TNFRSF9: variants seen among roughly 807,000 people sequenced by gnomAD.
The protein encoded by TNFRSF9 is TNF receptor superfamily member 9.
TNFRSF9 carries 16 observed loss-of-function variants against 28.8 expected under a neutral mutation model. The ratio of observed to expected loss-of-function variants is 0.55; its 90% confidence interval spans 0.38 to 0.84. The LOEUF is 0.84. Among genes scored for constraint, TNFRSF9 ranks in the 40% least tolerant of loss-of-function variants. The pLI is 0.00. For synonymous variants in TNFRSF9, 131 were observed against 117.0 expected, an observed-to-expected ratio of 1.12 and a Z score of -0.77; for missense variants, 303 against 315.0, an observed-to-expected ratio of 0.96 and a Z score of 0.29.
In TNFRSF9 at chr1:7,939,897, G is replaced by C; in HGVS notation, c.98C>G (p.Ala33Gly). The C allele has an allele frequency of 6.3e-7, 1 of 1,593,636 alleles. No homozygotes were observed. The highest frequency in any genetic ancestry group is 2.3e-5 in the East Asian group (1 of 44,284). ...GCACATGATAACTGGGTACTCACCA[G>C]CTGGGCAGTTACTACAAGGATCCTG... ...SLQDPCSNCP[A>G]GTFCDNNRNQ... Residue 33 changes from alanine to glycine, a missense_variant and splice_region_variant, in exon 2 of 8, where the codon GCT becomes GGT. By Grantham distance (60) the Ala-to-Gly change is moderately conservative. Transcript: ENST00000377507.
At chr1:7,937,779 T>A in intron 4 of TNFRSF9, 23 bp from the exon 5 acceptor site, 1 of 1,592,320 alleles carries the variant, frequency 6.3e-7, no homozygotes, top group Non-Finnish European at 8.6e-7. Flanking sequence ...ATGAAAGCAA[T>A]AATAAAAGGG....
rs1003391663 is a variant in TNFRSF9 at position 7,917,975 on chromosome 1, T to TAG, written c.*2858_*2859dup. The TAG allele has an allele frequency of 7.1e-5, 10 of 141,536 alleles. No homozygotes were observed. The highest frequency in any genetic ancestry group is 3.0e-4 in the African/African-American group (10 of 33,682). The allele number at this position is 141,536 out of a possible 1,614,324, so 8.8% of individuals were successfully genotyped here. A position where few individuals can be genotyped will look rare whatever the true frequency, so the allele number is the denominator to read the frequency against. ...CAAAGGATATATATATATATATATA[T>TAG]AGATATAGATAGATAGATAGATAGA... On this transcript the variant is annotated 3_prime_UTR_variant, in exon 8 of 8. Transcript: ENST00000377507.
chr1:7,933,444 A>G (rs937762336), intron 6 of TNFRSF9, 148 bp from the exon 7 acceptor site: 35 of 989,884 alleles, frequency 3.5e-5, no homozygotes, highest in Non-Finnish European at 4.9e-5. Flanking sequence ...AACTTAGAAA[A>G]CTTTTAAAGA....
intron 7 of TNFRSF9, among the ~76,000 whole-genome samples, chr1:7,924,897 A>G: frequency 6.6e-6 from 1 of 152,352 alleles, no homozygotes; most frequent in East Asian, 1.9e-4. Context: ...AAAAACTTTT[A>G]AATAGATAAA....
Position 7,916,952 on chromosome 1 carries a change from CAG to C in TNFRSF9, c.*3881_*3882del, listed in dbSNP as rs1428108850. The C allele has an allele frequency of 6.6e-6, 1 of 152,032 alleles. No homozygotes were observed. The highest frequency in any genetic ancestry group is 6.6e-5 in the Admixed American group (1 of 15,262). The allele number at this position is 152,032 out of a possible 1,614,324, so 9.4% of individuals were successfully genotyped here. On this transcript the variant is annotated 3_prime_UTR_variant, in exon 8 of 8. Transcript: ENST00000377507. ...ATCTCTTTTCTTTTTTTTCCTGAGA[CAG>C]AGTTTCGCTCTGTCACCCAGGCTGG... is the stretch of plus-strand genomic sequence containing the variant.
chr1:7,938,664 G>T, intron 3 of TNFRSF9, 57 bp downstream of exon 3: 1 of 1,411,046 alleles, frequency 7.1e-7, no homozygotes, highest in Non-Finnish European at 9.8e-7. Flanking sequence ...AAATGGGAAA[G>T]AAAAGCTTAT....
chr1:7,940,249 G>A (rs555143076), intron 1 of TNFRSF9, among the ~76,000 whole-genome samples, 171 bp from the exon 2 acceptor site: 2 of 152,256 alleles, frequency 1.3e-5, no homozygotes, highest in African/African-American at 4.8e-5. Context: ...CTAGGACAAG[G>A]CAGGCGTGAT....
At position 7,920,775 on chromosome 1, in the gene TNFRSF9, A is replaced by T. The variant is rs1025063126; in HGVS notation, c.*60T>A. The T allele has an allele frequency of 1.3e-5, 17 of 1,304,572 alleles. No homozygotes were observed. In the African/African-American group the frequency reaches 2.5e-4, roughly 19 times the overall value. The allele number at this position is 1,304,572 out of a possible 1,614,324, so 80.8% of individuals were successfully genotyped here. On this transcript the variant is annotated 3_prime_UTR_variant, in exon 8 of 8. Transcript: ENST00000377507. ...TTGCTTTTGAAAGCTGTGATAGCGG[A>T]TGACTCATATTTCCTTGCTTCTTTT...
intron 6 of TNFRSF9, 122 bp downstream of exon 6, chr1:7,934,891 G>C (rs1639794408): frequency 4.6e-6 from 6 of 1,306,948 alleles, no homozygotes; most frequent in Non-Finnish European, 6.3e-6. Flanking sequence ...CTGAGGGCAG[G>C]ATTCAGGAAG....
rs567822293 is a variant in TNFRSF9 at position 7,931,694 on chromosome 1, G to A, written c.679+1468C>T. Among the ~76,000 whole-genome samples, 170 of 152,316 alleles carry A rather than the reference G, an allele frequency of 1.1e-3. 2 individuals carry two copies. Among genetic ancestry groups the A allele is most frequent in the African/African-American group, 3.7e-3 (154 of 41,574 alleles). ...GCCAAGGGCTTCGGGAATGAGTTAT[G>A]TTCCACTTCTTTACCCTGGTAGAGT... On this transcript the variant is annotated intron_variant, in intron 7 of 7. Coordinates refer to ENST00000377507, the MANE Select transcript of TNFRSF9 (RefSeq NM_001561.6).
intron 7 of TNFRSF9, among the ~76,000 whole-genome samples, chr1:7,921,269 G>C (rs1019765386): frequency 1.3e-5 from 2 of 151,802 alleles, no homozygotes; most frequent in African/African-American, 4.8e-5. Context: ...CCAGGAGACA[G>C]AGATTGCAGT....
Position 7,933,268 on chromosome 1 carries a change from AAAG to A in TNFRSF9, c.570_572del (p.Phe191del), listed in dbSNP as rs753979152. ...GCAACGCAGTCGACGTCAGCGCAAG[AAAG>A]AAGGAGATGATCTGCGGAGAGTGTC... is the stretch of plus-strand genomic sequence containing the variant. On this transcript the variant is annotated inframe_deletion, in exon 7 of 8. Transcript: ENST00000377507. 19 of 1,613,744 alleles carry A rather than the reference AAAG, an allele frequency of 1.2e-5. No homozygotes were observed. Among genetic ancestry groups the A allele is most frequent in the Middle Eastern group, 1.7e-4 (1 of 6,056 alleles).
chr1:7,925,266 C>T (rs1315618411), intron 7 of TNFRSF9, among the ~76,000 whole-genome samples: 4 of 151,676 alleles, frequency 2.6e-5, no homozygotes, highest in South Asian at 4.2e-4. Context: ...CAAGATCTCG[C>T]CACTGCATTC....
At chr1:7,937,598 G>C (rs1639839338) in intron 5 of TNFRSF9, 92 bp downstream of exon 5, 7 of 995,264 alleles carry the variant, frequency 7.0e-6, no homozygotes, top group Non-Finnish European at 9.5e-6. Context: ...ACACTTGATG[G>C]GTGCAAAAAA....
At position 7,920,304 on chromosome 1, in the gene TNFRSF9, C is replaced by CTTTTTTTTT. The variant is rs33970118; in HGVS notation, c.*522_*530dup. On this transcript the variant is annotated 3_prime_UTR_variant, in exon 8 of 8. Coordinates refer to ENST00000377507, the MANE Select transcript of TNFRSF9 (RefSeq NM_001561.6). ...CCTGTTAAGTGGTATCTAGAAAATG[C>CTTTTTTTTT]TTTTTTTTTTTTTTTTTTATCACCA... 1.6e-5 allele frequency: 2 copies of CTTTTTTTTT among 127,616 alleles called. No homozygotes were observed. The highest frequency in any genetic ancestry group is 5.9e-5 in the African/African-American group (2 of 33,778). The allele number at this position is 127,616 out of a possible 1,614,324, so 7.9% of individuals were successfully genotyped here. A position where few individuals can be genotyped will look rare whatever the true frequency, so the allele number is the denominator to read the frequency against.
chr1:7,920,873 G>A lies in TNFRSF9; in HGVS notation c.730C>T (p.Arg244Ter), dbSNP rs1280784319. The change falls in exon 8 of 8, where the codon CGA (arginine) becomes TGA (stop). Residue 244 changes from arginine (R) to a stop codon, truncating the protein, a stop_gained. Coordinates refer to ENST00000377507, the MANE Select transcript of TNFRSF9 (RefSeq NM_001561.6). LOFTEE classifies it high-confidence loss of function. Reference protein sequence around the residue: ...TTQEEDGCSCRFPEEEEGGCE... With the variant: ...TTQEEDGCSC Reference sequence around the variant, plus strand: ...CCTCCTTCTTCTTCTTCTGGAAATCGGCAGCTACAGCCATCTTCCTCTTGA... The same window carrying A: ...CCTCCTTCTTCTTCTTCTGGAAATCAGCAGCTACAGCCATCTTCCTCTTGA... 4.3e-6 allele frequency: 7 copies of A among 1,613,618 alleles called. No individual in the cohort carries two copies. The highest frequency in any genetic ancestry group is 2.2e-5 in the East Asian group (1 of 44,866).
chr1:7,923,699 G>T (rs1265725242), intron 7 of TNFRSF9, among the ~76,000 whole-genome samples: 3 of 152,104 alleles, frequency 2.0e-5, no homozygotes, highest in African/African-American at 7.2e-5. Flanking sequence ...TTAGCCAGGG[G>T]TGGTGGCACA....
rs1452780762 is a variant in TNFRSF9 at position 7,917,798 on chromosome 1, C to A, written c.*3037G>T. On this transcript the variant is annotated 3_prime_UTR_variant, in exon 8 of 8. Coordinates refer to ENST00000377507, the MANE Select transcript of TNFRSF9 (RefSeq NM_001561.6). ...CGGTGGCTCATGTCTGCAATTCCAG[C>A]ACTTTGGAAGGCTGAGGTGGGAGGA... The A allele has an allele frequency of 1.3e-5, 2 of 151,862 alleles. No homozygotes were observed. 9.4% of individuals were successfully genotyped at this position (151,862 alleles called of 1,614,324 possible).
chr1:7,933,400 C>A, intron 6 of TNFRSF9, 104 bp from the exon 7 acceptor site: 1 of 1,367,440 alleles, frequency 7.3e-7, no homozygotes, highest in Non-Finnish European at 9.9e-7. Context: ...AGAAGAATCA[C>A]AGCCTTGGGC....
Sources: gnomAD v4.1 joint callset for allele counts (sites outside exome capture counted in the v4.1 genomes callset) on GRCh38, gnomAD v4.1.1 for gene constraint, MANE v1.5 for transcripts, NCBI Gene and HGNC (gene_info 2026-07-23, HGNC 2026-07-21) for gene names.